The following LIMS1 variants were observed in gnomAD, a reference collection of about 807,000 sequenced individuals.
LIMS1 encodes the protein LIM zinc finger domain containing 1.
A neutral mutation model predicts 44.1 loss-of-function variants in LIMS1; 18 were observed. The observed-to-expected ratio is 0.41, with a 90% CI of 0.28 to 0.61. The LOEUF is 0.61. Ranked by LOEUF, LIMS1 falls within the 20% of genes least tolerant of loss-of-function variation. LIMS1 has a pLI of 0.32. For synonymous variants in LIMS1, 93 were observed against 149.1 expected (o/e 0.62, Z 2.74); for missense variants, 201 against 422.0 (o/e 0.48, Z 4.59).
intron 1 of LIMS1, among the ~76,000 whole-genome samples, chr2:108,598,349 C>A (rs1686825639): frequency 6.6e-6 from 1 of 152,096 alleles, no homozygotes. Context: ...TGATTTGAGA[C>A]TTTTTGTTGT....
intron 1 of LIMS1, among the ~76,000 whole-genome samples, chr2:108,639,400 C>T (rs997839299): frequency 1.3e-5 from 2 of 152,226 alleles, no homozygotes; most frequent in African/African-American, 4.8e-5. Flanking sequence ...TCTAAAGTCA[C>T]CTTGCAACAA....
At chr2:108,667,531 C>T (rs1446828245) in intron 2 of LIMS1, among the ~76,000 whole-genome samples, 1 of 40,334 alleles carries the variant, frequency 2.5e-5, no homozygotes, top group East Asian at 1.3e-3. Context: ...ATATTTTCAA[C>T]CTTTTTTAAA....
chr2:108,667,537 T>TAAAAAAA (rs1558837614), intron 2 of LIMS1, among the ~76,000 whole-genome samples: 4 of 39,698 alleles, frequency 1.0e-4, no homozygotes, highest in Middle Eastern at 0.026. Context: ...TCAACCTTTT[T>TAAAAAAA]TAAAAAAAAA....
chr2:108,564,277 T>C (rs1357684476), intron 1 of LIMS1, among the ~76,000 whole-genome samples: 2 of 152,188 alleles, frequency 1.3e-5, no homozygotes, highest in African/African-American at 4.8e-5. Flanking sequence ...TTTTTAGACA[T>C]AATACTCTTG....
rs67589132 is a variant in LIMS1 at position 108,551,491 on chromosome 2, GCACACACA to G, written c.32+16931_32+16938del. On this transcript the variant is annotated intron_variant, in intron 1 of 9. Coordinates refer to ENST00000544547, the Ensembl canonical transcript of LIMS1. ...TCTATATACATATATGCGCGCGCGC[GCACACACA>G]CACACACACACACACACACACACAC... 5.3e-3 allele frequency among the ~76,000 whole-genome samples: 612 copies of G among 114,852 alleles called. 2 individuals carry two copies. Among genetic ancestry groups the G allele is most frequent in the South Asian group, 0.02 (73 of 3,654 alleles). 75.3% of individuals were successfully genotyped at this position (114,852 alleles called of 152,430 possible). A position where few individuals can be genotyped will look rare whatever the true frequency, so the allele number is the denominator to read the frequency against.
chr2:108,633,016 C>T (rs919227441), intron 1 of LIMS1, among the ~76,000 whole-genome samples: 12 of 152,200 alleles, frequency 7.9e-5, no homozygotes, highest in African/African-American at 2.9e-4. Context: ...CCCTTGTCCC[C>T]TTCCCCCTCC....
intron 1 of LIMS1, among the ~76,000 whole-genome samples, chr2:108,587,290 TTGTGTGTGTGTGTGTGTGTGTGTGTGTG>T (rs58815332): frequency 9.4e-6 from 1 of 106,022 alleles, no homozygotes; most frequent in South Asian, 3.3e-4. Flanking sequence ...TTCTTGGGGT[TTGTGTGTGTGTGTGTGTGTGTGTGTGTG>T]TGTGTGTGTG....
chr2:108,635,654 C>T (rs1238563681), intron 1 of LIMS1, among the ~76,000 whole-genome samples: 1 of 149,766 alleles, frequency 6.7e-6, no homozygotes, highest in East Asian at 2.0e-4. Flanking sequence ...GAACTGAGAC[C>T]GCACCACTAC....
At chr2:108,664,334 T>G (rs1226109648) in intron 2 of LIMS1, among the ~76,000 whole-genome samples, 1 of 152,242 alleles carries the variant, frequency 6.6e-6, no homozygotes, top group Non-Finnish European at 1.5e-5. Flanking sequence ...GAATAATTGT[T>G]TCTTCCCCTA....
chr2:108,593,805 A>G (rs1686528449), intron 1 of LIMS1, among the ~76,000 whole-genome samples: 1 of 152,216 alleles, frequency 6.6e-6, no homozygotes, highest in South Asian at 2.1e-4. Flanking sequence ...TTAGTCATAA[A>G]AGGTACTTTT....
intron 1 of LIMS1, among the ~76,000 whole-genome samples, chr2:108,636,768 AAACCATAG>A (rs1689281155): frequency 6.6e-6 from 1 of 152,190 alleles, no homozygotes; most frequent in African/African-American, 2.4e-5. Context: ...CTGCTTTCAA[AAACCATAG>A]CTTCATTCCG....
chr2:108,547,751 A>G (rs1212059938), intron 1 of LIMS1, among the ~76,000 whole-genome samples: 2 of 152,202 alleles, frequency 1.3e-5, no homozygotes, highest in Non-Finnish European at 2.9e-5. Context: ...CCAAAATACC[A>G]GCATTTAAGG....
At chr2:108,675,790 T>G in intron 5 of LIMS1, 88 bp from the exon 6 acceptor site, 1 of 1,532,168 alleles carries the variant, frequency 6.5e-7, no homozygotes, top group East Asian at 2.3e-5. Flanking sequence ...TAGTAATGTC[T>G]TTAAAAACCT....
chr2:108,678,526 C>G (rs1168947133), intron 8 of LIMS1: 1 of 156,898 alleles, frequency 6.4e-6, no homozygotes, highest in East Asian at 1.9e-4. Flanking sequence ...TAACACACTT[C>G]TGCCAGAGAC....
intron 1 of LIMS1, among the ~76,000 whole-genome samples, chr2:108,569,764 C>CCTTTTTTTTTT (rs753691810): frequency 0.19 from 21,421 of 111,712 alleles, 3,419 homozygotes; most frequent in Non-Finnish European, 0.26. Flanking sequence ...CCATATCTGG[C>CCTTTTTTTTTT]TTTTTTTTTT....
chr2:108,654,280 CCTTAGTCAT>C (rs1208750690), intron 1 of LIMS1, among the ~76,000 whole-genome samples: 1 of 151,944 alleles, frequency 6.6e-6, no homozygotes, highest in Non-Finnish European at 1.5e-5. Flanking sequence ...GTAACAGTTT[CCTTAGTCAT>C]GATAGAGACT....
rs141424289 is a variant in LIMS1 at position 108,611,645 on chromosome 2, C to T, written c.33-47960C>T. ...CTGTAATCCCAGCTCTGTGGGAGGCCGGGGCGTGGGGATCGCTTGAGCTCA... is the reference window on the plus strand; with the variant it reads ...CTGTAATCCCAGCTCTGTGGGAGGCTGGGGCGTGGGGATCGCTTGAGCTCA... On this transcript the variant is annotated intron_variant, in intron 1 of 9. Coordinates refer to ENST00000544547, the Ensembl canonical transcript of LIMS1. 4.2e-3 allele frequency among the ~76,000 whole-genome samples: 643 copies of T among 151,878 alleles called. 1 individual carries two copies. Among genetic ancestry groups the T allele is most frequent in the Admixed American group, 9.7e-3 (147 of 15,228 alleles).
At chr2:108,682,150 G>C (rs1693044735) in intron 9 of LIMS1, among the ~76,000 whole-genome samples, 1 of 152,070 alleles carries the variant, frequency 6.6e-6, no homozygotes, top group Non-Finnish European at 1.5e-5. Flanking sequence ...TGTGTTTGGA[G>C]CTCTAAAAAT....
At chr2:108,608,583 C>T (rs993959575) in intron 1 of LIMS1, among the ~76,000 whole-genome samples, 2 of 152,286 alleles carry the variant, frequency 1.3e-5, no homozygotes, top group East Asian at 1.9e-4. Flanking sequence ...GAATTACAGG[C>T]GTGAGCCACC....
Sources: gnomAD v4.1 joint callset for allele counts (sites outside exome capture counted in the v4.1 genomes callset) on GRCh38, gnomAD v4.1.1 for gene constraint, MANE v1.5 for transcripts, NCBI Gene and HGNC (gene_info 2026-07-23, HGNC 2026-07-21) for gene names.